Variants in FSTL4 observed in about 807,000 individuals in gnomAD.
The protein encoded by FSTL4 is follistatin-related protein 4.
Under a neutral mutation model 78.2 loss-of-function variants are expected in FSTL4, and 28 were observed. The ratio of observed to expected loss-of-function variants is 0.36; its 90% CI spans 0.27 to 0.49. The LOEUF is 0.49. FSTL4 is among the 20% of genes least tolerant of loss of function. The pLI, the probability that FSTL4 is intolerant of heterozygous loss-of-function variation, is 0.98. For synonymous variants in FSTL4, 422 were observed against 440.5 expected (o/e 0.96, Z 0.53); for missense variants, 922 against 1,084.9 (o/e 0.85, Z 2.11).
At chr5:133,439,747 G>A (rs1004870796) in intron 3 of FSTL4, among the ~76,000 whole-genome samples, 4 of 152,182 alleles carry the variant, frequency 2.6e-5, no homozygotes, top group African/African-American at 7.2e-5. Flanking sequence ...GCCTGACAGC[G>A]TGCAGGCTCC....
the FSTL4 span, among the ~76,000 whole-genome samples, chr5:133,661,322 T>C: frequency 3.0e-4 from 46 of 152,354 alleles, no homozygotes; most frequent in Admixed American, 4.6e-4. Context: ...ACTGTCACTA[T>C]GACCTTGGGA....
intron 6 of FSTL4, among the ~76,000 whole-genome samples, chr5:133,307,905 C>T (rs11747199): frequency 0.5 from 76,333 of 151,392 alleles, 21,763 homozygotes; most frequent in Middle Eastern, 0.66. Flanking sequence ...CTCAGCCTCC[C>T]AAGTAGCTGA....
intron 6 of FSTL4, among the ~76,000 whole-genome samples, chr5:133,297,034 A>G (rs758217132): frequency 1.3e-5 from 2 of 152,202 alleles, no homozygotes; most frequent in Non-Finnish European, 2.9e-5. Context: ...CCTTGATGGT[A>G]TCAGGAAGTC....
At chr5:133,389,712 C>T (rs948675357) in intron 4 of FSTL4, among the ~76,000 whole-genome samples, 2 of 152,142 alleles carry the variant, frequency 1.3e-5, no homozygotes, top group African/African-American at 2.4e-5. Flanking sequence ...CAAGCTTGCA[C>T]GGGGAAAAGA....
At chr5:133,789,517 C>T in the FSTL4 span, among the ~76,000 whole-genome samples, 1 of 152,160 alleles carries the variant, frequency 6.6e-6, no homozygotes, top group African/African-American at 2.4e-5. Flanking sequence ...GTAGAAGTCC[C>T]TTAAAGGACC....
intron 3 of FSTL4, among the ~76,000 whole-genome samples, chr5:133,492,691 C>T (rs1758290344): frequency 1.3e-5 from 2 of 152,070 alleles, no homozygotes; most frequent in African/African-American, 2.4e-5. Context: ...TGGAGTGCTG[C>T]TTTTATCTAG....
the FSTL4 span, among the ~76,000 whole-genome samples, chr5:133,752,640 A>G: frequency 1.3e-5 from 2 of 152,076 alleles, no homozygotes; most frequent in African/African-American, 4.8e-5. Flanking sequence ...AAATTAAATT[A>G]AATTAAATTA....
At chr5:133,243,830 T>G (rs1190237841) in intron 7 of FSTL4, 1 of 152,370 alleles carries the variant, frequency 6.6e-6, no homozygotes, top group Non-Finnish European at 1.5e-5. Flanking sequence ...CTGTCCCTGT[T>G]TCTGCCCGTT....
At chr5:133,542,648 A>T (rs1759499861) in intron 3 of FSTL4, among the ~76,000 whole-genome samples, 1 of 152,218 alleles carries the variant, frequency 6.6e-6, no homozygotes, top group Non-Finnish European at 1.5e-5. Context: ...AAGACTGATT[A>T]GGTTTTTTAT....
At chr5:133,748,676 A>G in the FSTL4 span, among the ~76,000 whole-genome samples, 2 of 152,124 alleles carry the variant, frequency 1.3e-5, no homozygotes, top group Admixed American at 6.5e-5. Flanking sequence ...GACTGGCTAG[A>G]TTGGGAGGTT....
intron 6 of FSTL4, among the ~76,000 whole-genome samples, chr5:133,308,474 A>T (rs1753704842): frequency 6.6e-6 from 1 of 152,192 alleles, no homozygotes; most frequent in South Asian, 2.1e-4. Flanking sequence ...AAAGAGCCAG[A>T]TAGATCTGGG....
At chr5:133,582,876 TCTCCTCA>T (rs1335550458) in intron 2 of FSTL4, among the ~76,000 whole-genome samples, 1 of 152,058 alleles carries the variant, frequency 6.6e-6, no homozygotes, top group African/African-American at 2.4e-5. Flanking sequence ...GATGCCCTCC[TCTCCTCA>T]CTCATGGGCA....
intron 3 of FSTL4, among the ~76,000 whole-genome samples, chr5:133,520,829 G>C (rs1223200006): frequency 6.6e-6 from 1 of 152,138 alleles, no homozygotes; most frequent in Non-Finnish European, 1.5e-5. Context: ...GTGTGGGCTA[G>C]ATGGGTTCTG....
chr5:133,359,310 T>A (rs572205091), intron 4 of FSTL4, among the ~76,000 whole-genome samples: 253 of 152,346 alleles, frequency 1.7e-3, no homozygotes, highest in Admixed American at 3.7e-3. Context: ...AGGCAGGGAC[T>A]GTATCTATCA....
chr5:133,514,813 T>C (rs935727801), intron 3 of FSTL4, among the ~76,000 whole-genome samples: 3 of 152,242 alleles, frequency 2.0e-5, no homozygotes, highest in Non-Finnish European at 4.4e-5. Context: ...TAGACTTTTA[T>C]TCTGGAATAC....
At chr5:133,458,822 T>C (rs1319352867) in intron 3 of FSTL4, among the ~76,000 whole-genome samples, 1 of 152,146 alleles carries the variant, frequency 6.6e-6, no homozygotes, top group Non-Finnish European at 1.5e-5. Flanking sequence ...CTGCAACCTT[T>C]TAGATTGTTT....
chr5:133,516,658 C>T (rs930210891), intron 3 of FSTL4, among the ~76,000 whole-genome samples: 1 of 152,126 alleles, frequency 6.6e-6, no homozygotes, highest in African/African-American at 2.4e-5. Flanking sequence ...TTCAAATTCA[C>T]TCATGTGGAA....
intron 6 of FSTL4, among the ~76,000 whole-genome samples, chr5:133,279,647 G>A (rs1248362599): frequency 6.6e-6 from 1 of 152,200 alleles, no homozygotes; most frequent in East Asian, 1.9e-4. Flanking sequence ...GGGCCACAGG[G>A]CTGGTAGGCC....
At chr5:133,476,740 C>A (rs929031230) in intron 3 of FSTL4, among the ~76,000 whole-genome samples, 11 of 152,194 alleles carry the variant, frequency 7.2e-5, no homozygotes, top group African/African-American at 2.7e-4. Flanking sequence ...CCTATTTACC[C>A]AACTACAATT....
Sources: allele counts gnomAD v4.1 joint callset (sites outside exome capture counted in the v4.1 genomes callset), GRCh38; gene constraint gnomAD v4.1.1; transcripts MANE v1.5; gene names NCBI Gene and HGNC (gene_info 2026-07-23, HGNC 2026-07-21).